EFHD1: variants seen among roughly 807,000 people sequenced by gnomAD.
EFHD1 encodes EF-hand domain-containing protein D1.
In EFHD1, 10 loss-of-function variants were observed where a neutral mutation model predicts 17.2. The observed-to-expected ratio is 0.58, with a 90% CI of 0.36 to 0.99. The LOEUF (loss-of-function observed/expected upper bound fraction) is 0.99. Among genes scored for constraint, EFHD1 ranks in the 50% least tolerant of loss-of-function variants. The pLI is 0.01. For synonymous variants in EFHD1, 153 were observed against 142.0 expected, an observed-to-expected ratio of 1.08 and a Z score of -0.55; for missense variants, 310 against 327.5, an observed-to-expected ratio of 0.95 and a Z score of 0.41.
At chr2:232,617,711 C>T (rs1693953140) in intron 1 of EFHD1, among the ~76,000 whole-genome samples, 1 of 149,806 alleles carries the variant, frequency 6.7e-6, no homozygotes, top group Non-Finnish European at 1.5e-5. Context: ...GCCTGTAATC[C>T]CAGCACTTTG....
intron 3 of EFHD1, among the ~76,000 whole-genome samples, chr2:232,677,273 ATACACACACACACACACACACG>A (rs1365260469): frequency 6.0e-5 from 2 of 33,296 alleles, no homozygotes; most frequent in Admixed American, 5.1e-4. Flanking sequence ...TAACACACAC[ATACACACACACACACACACACG>A]TACACACACA....
At chr2:232,636,302 C>T (rs1483346921) in intron 1 of EFHD1, among the ~76,000 whole-genome samples, 1 of 152,190 alleles carries the variant, frequency 6.6e-6, no homozygotes, top group Non-Finnish European at 1.5e-5. Flanking sequence ...ACCCCAGCCC[C>T]ACCACTTGCT....
Position 232,682,056 on chromosome 2 carries a change from G to T in EFHD1, c.*337G>T. On this transcript the variant is annotated 3_prime_UTR_variant, in exon 4 of 4. Coordinates refer to ENST00000264059, the MANE Select transcript of EFHD1 (RefSeq NM_025202.4). ...GTAGTCTGCTATATCAATTTGTGTA[G>T]ATATGTCTGTCTTTTTGGGTCCTCA... The T allele has an allele frequency of 4.8e-6, 1 of 207,558 alleles. No homozygotes were observed. The highest frequency in any genetic ancestry group is 1.4e-4 in the South Asian group (1 of 7,032). 12.9% of individuals were successfully genotyped at this position (207,558 alleles called of 1,614,324 possible). A position where few individuals can be genotyped will look rare whatever the true frequency, so the allele number is the denominator to read the frequency against.
At chr2:232,656,231 C>T (rs952125707) in intron 1 of EFHD1, among the ~76,000 whole-genome samples, 6 of 152,064 alleles carry the variant, frequency 3.9e-5, no homozygotes, top group Admixed American at 6.6e-5. Context: ...GACTGTGGCC[C>T]TTGCATTCAG....
intron 1 of EFHD1, among the ~76,000 whole-genome samples, chr2:232,625,681 T>A: frequency 6.6e-6 from 1 of 152,164 alleles, no homozygotes; most frequent in East Asian, 1.9e-4. Context: ...TTCCTCAAAG[T>A]GCTCCACATA....
intron 1 of EFHD1, among the ~76,000 whole-genome samples, chr2:232,612,981 C>T (rs1483176081): frequency 6.6e-6 from 1 of 152,010 alleles, no homozygotes; most frequent in East Asian, 1.9e-4. Flanking sequence ...GATCCACCCG[C>T]TTTAGCCTCC....
intron 3 of EFHD1, among the ~76,000 whole-genome samples, chr2:232,677,278 C>CACACACACATCTTTCTATA (rs1695197601): frequency 1.2e-4 from 3 of 25,166 alleles, no homozygotes; most frequent in African/African-American, 2.7e-4. Context: ...CACACATACA[C>CACACACACATCTTTCTATA]ACACACACAC....
chr2:232,649,325 C>A (rs753181245), intron 1 of EFHD1, among the ~76,000 whole-genome samples: 4 of 152,190 alleles, frequency 2.6e-5, no homozygotes, highest in African/African-American at 7.2e-5. Context: ...CACAGTCACG[C>A]CTCACTCTAC....
In EFHD1 at chr2:232,628,202, A is replaced by G. The variant is rs1694142801; in HGVS notation, c.14+22029A>G. Among the ~76,000 whole-genome samples the G allele has an allele frequency of 2.6e-5, 4 of 152,122 alleles. No individual in the cohort carries two copies. The South Asian group carries it at 8.3e-4, about 31-fold the overall frequency. Reference sequence around the variant, plus strand: ...CAGCCTCCTGAGTAGCTGGGATTACAGGCACCTGCCACCAAGGCCAGCTAA... The same window carrying G: ...CAGCCTCCTGAGTAGCTGGGATTACGGGCACCTGCCACCAAGGCCAGCTAA... On this transcript the variant is annotated intron_variant, in intron 1 of 3. Transcript: ENST00000409613.
chr2:232,608,198 C>T (rs950677829), intron 1 of EFHD1, among the ~76,000 whole-genome samples: 11 of 152,000 alleles, frequency 7.2e-5, no homozygotes, highest in South Asian at 6.2e-4. Context: ...GGTGAAACCC[C>T]GTCTCTACTA....
chr2:232,674,943 G>A (rs917820873), intron 3 of EFHD1, among the ~76,000 whole-genome samples: 3 of 152,040 alleles, frequency 2.0e-5, no homozygotes, highest in Non-Finnish European at 4.4e-5. Flanking sequence ...TGGTGACATG[G>A]CCGGAGGTGA....
chr2:232,657,704 G>A (rs1390951203), intron 1 of EFHD1, among the ~76,000 whole-genome samples: 2 of 151,052 alleles, frequency 1.3e-5, no homozygotes, highest in East Asian at 2.0e-4. Context: ...CCAGCTACTC[G>A]GGAGGCCTGA....
Position 232,662,921 on chromosome 2 carries a change from A to G in EFHD1, c.422A>G (p.Asp141Gly). 1 of 1,591,014 alleles carries G rather than the reference A, an allele frequency of 6.3e-7. No homozygotes were observed. Among genetic ancestry groups the G allele is most frequent in the South Asian group, 1.1e-5 (1 of 87,056 alleles). ...AGCATGATCAAGGAGGTGGATGAGG[A>G]CTTCGATGGCAAGCTCAGCTTCCGG... ...LKSMIKEVDEDFDGKLSFREF... is the reference protein window; with the variant it reads ...LKSMIKEVDEGFDGKLSFREF... The change falls in exon 2 of 4, where the codon GAC becomes GGC. Residue 141 changes from aspartate to glycine, a missense_variant. Physicochemically the swap from Asp to Gly is moderately conservative, Grantham distance 94 (BLOSUM62 -1). Transcript: ENST00000264059.
At chr2:232,650,388 A>G (rs1365088490) in intron 1 of EFHD1, among the ~76,000 whole-genome samples, 4 of 139,576 alleles carry the variant, frequency 2.9e-5, no homozygotes, top group Non-Finnish European at 4.6e-5. Context: ...TCCGCCTCCC[A>G]GGTCCAAGCG....
chr2:232,669,014 G>A (rs577765888), intron 2 of EFHD1, among the ~76,000 whole-genome samples: 17 of 152,254 alleles, frequency 1.1e-4, no homozygotes, highest in Admixed American at 4.6e-4. Flanking sequence ...TCTTTGCCTC[G>A]TGGAGCAAGG....
At chr2:232,674,074 A>G (rs893889314) in intron 3 of EFHD1, among the ~76,000 whole-genome samples, 2 of 152,098 alleles carry the variant, frequency 1.3e-5, no homozygotes, top group African/African-American at 4.8e-5. Context: ...ACGCCCAGCT[A>G]ATTTTTGTAT....
At chr2:232,606,596 G>T (rs1559333157) in intron 1 of EFHD1, 1 of 212,698 alleles carries the variant, frequency 4.7e-6, no homozygotes. Flanking sequence ...CATCTTTAAA[G>T]TTGGGGTGCG....
intron 1 of EFHD1, among the ~76,000 whole-genome samples, chr2:232,639,494 C>T (rs1287981667): frequency 6.6e-6 from 1 of 152,094 alleles, no homozygotes; most frequent in East Asian, 1.9e-4. Flanking sequence ...GCCAGACTCT[C>T]TCTCTCTCTC....
At chr2:232,623,998 G>A (rs1418095532) in intron 1 of EFHD1, among the ~76,000 whole-genome samples, 3 of 152,156 alleles carry the variant, frequency 2.0e-5, no homozygotes, top group Admixed American at 6.5e-5. Context: ...TCCTAGGGCG[G>A]TGCCAGCCCC....
Sources: gnomAD v4.1 joint callset for allele counts (sites outside exome capture counted in the v4.1 genomes callset) on GRCh38, gnomAD v4.1.1 for gene constraint, MANE v1.5 for transcripts, NCBI Gene and HGNC (gene_info 2026-07-23, HGNC 2026-07-21) for gene names.